Variants in KAZN observed in about 807,000 individuals in gnomAD.
The protein encoded by KAZN is kazrin, periplakin interacting protein, also known as kazrin.
KAZN carries 40 observed loss-of-function variants against 87.4 expected under a neutral mutation model. The observed-to-expected ratio is 0.46, with a 90% CI of 0.36 to 0.60. The LOEUF is 0.60. KAZN is among the 20% of genes least tolerant of loss of function. KAZN has a pLI of 0.00. For missense variants in KAZN, 898 were observed against 1,073.9 expected (o/e 0.84, Z 2.29); for synonymous variants, 466 against 458.3 (o/e 1.02, Z -0.22).
intron 1 of KAZN, among the ~76,000 whole-genome samples, chr1:14,159,853 C>A (rs1645673067): frequency 6.6e-6 from 1 of 152,180 alleles, no homozygotes; most frequent in African/African-American, 2.4e-5. Context: ...CTTTTCAGAG[C>A]AGCAGGTTCC....
chr1:14,681,874 G>GTT (rs1056323922), intron 1 of KAZN, among the ~76,000 whole-genome samples: 13 of 150,512 alleles, frequency 8.6e-5, no homozygotes, highest in African/African-American at 3.2e-4. Flanking sequence ...TGTATTTTTA[G>GTT]TAGAGACAGG....
At chr1:14,972,661 C>T (rs1474690201) in intron 2 of KAZN, among the ~76,000 whole-genome samples, 2 of 151,992 alleles carry the variant, frequency 1.3e-5, no homozygotes, top group East Asian at 1.9e-4. Flanking sequence ...ATTACAGGCA[C>T]CTGCCACCAC....
At chr1:14,542,409 C>T (rs1438592866) in intron 2 of KAZN, among the ~76,000 whole-genome samples, 1 of 151,290 alleles carries the variant, frequency 6.6e-6, no homozygotes, top group African/African-American at 2.4e-5. Flanking sequence ...CAAACCTGCA[C>T]GTTGAGCACA....
intron 2 of KAZN, among the ~76,000 whole-genome samples, chr1:14,579,783 CA>C (rs1178174413): frequency 6.6e-6 from 1 of 152,064 alleles, no homozygotes; most frequent in Non-Finnish European, 1.5e-5. Flanking sequence ...AAGCAGCATC[CA>C]GGGGGACTCA....
At chr1:14,177,464 C>A (rs758136682) in intron 1 of KAZN, among the ~76,000 whole-genome samples, 3 of 152,142 alleles carry the variant, frequency 2.0e-5, no homozygotes, top group African/African-American at 4.8e-5. Flanking sequence ...GTGATGAGTT[C>A]TCTCAGCTTT....
At chr1:14,123,311 A>T (rs1644791591) in intron 1 of KAZN, among the ~76,000 whole-genome samples, 1 of 152,186 alleles carries the variant, frequency 6.6e-6, no homozygotes, top group African/African-American at 2.4e-5. Context: ...ATTTTAACCA[A>T]GTCAAGCAAT....
rs1256494300 is a variant in KAZN, at chr1:14,599,157, G to T, written c.160G>T (p.Ala54Ser). The T allele has an allele frequency of 7.2e-7, 1 of 1,392,202 alleles. No homozygotes were observed. The highest frequency in any genetic ancestry group is 9.3e-7 in the Non-Finnish European group (1 of 1,077,002). 86.2% of individuals were successfully genotyped at this position (1,392,202 alleles called of 1,614,324 possible). A position where few individuals can be genotyped will look rare whatever the true frequency, so the allele number is the denominator to read the frequency against. The change falls in exon 1 of 15, where the codon GCC becomes TCC. Residue 54 changes from alanine (A) to serine (S), a missense_variant. Around this residue, in one of 3 missense-constraint regions of KAZN, gnomAD observed 250 missense variants for 263.0 expected, o/e 0.95. Transcript: ENST00000376030. The surrounding 1 kb of genome is among the most constrained non-coding windows in gnomAD (Gnocchi z 4.4). ...CCCCGGCCCGGGCCCGGGAGCCGCG[G>T]CCAGCGCCTCGGCGGCGGGGGACTC... ...GGPGPGPGAA[A>S]SASAAGDSAA...
At chr1:14,746,472 C>A (rs1224849454) in intron 1 of KAZN, among the ~76,000 whole-genome samples, 1 of 152,082 alleles carries the variant, frequency 6.6e-6, no homozygotes, top group Non-Finnish European at 1.5e-5. Flanking sequence ...CACCGAGAAA[C>A]AGACAACATG....
intron 1 of KAZN, among the ~76,000 whole-genome samples, chr1:13,907,916 G>T (rs1639507695): frequency 6.6e-6 from 1 of 152,170 alleles, no homozygotes; most frequent in Non-Finnish European, 1.5e-5. Flanking sequence ...AAGAGAATGT[G>T]CTTGTCCTAA....
intron 2 of KAZN, among the ~76,000 whole-genome samples, chr1:14,527,092 T>A (rs940407170): frequency 2.0e-5 from 3 of 152,228 alleles, no homozygotes; most frequent in African/African-American, 7.2e-5. Flanking sequence ...TGTATTATCA[T>A]GTCTCATAGT....
chr1:14,822,674 C>T (rs951781969), intron 1 of KAZN, among the ~76,000 whole-genome samples: 6 of 152,188 alleles, frequency 3.9e-5, no homozygotes, highest in Non-Finnish European at 7.4e-5. Context: ...CACATCACAG[C>T]GGGTCCTGAC....
At chr1:14,110,782 A>G (rs1451690237) in intron 1 of KAZN, among the ~76,000 whole-genome samples, 1 of 133,830 alleles carries the variant, frequency 7.5e-6, no homozygotes, top group Non-Finnish European at 1.6e-5. Context: ...TAGTACAGGG[A>G]AAAAAAAGAC....
intron 1 of KAZN, among the ~76,000 whole-genome samples, chr1:14,158,855 T>G (rs1557523715): frequency 6.6e-6 from 1 of 152,336 alleles, no homozygotes; most frequent in East Asian, 1.9e-4. Flanking sequence ...TCTTATGGAC[T>G]CATAGAGGTA....
At chr1:14,555,059 C>T (rs1571923606) in intron 2 of KAZN, among the ~76,000 whole-genome samples, 1 of 152,200 alleles carries the variant, frequency 6.6e-6, no homozygotes, top group Admixed American at 6.5e-5. Flanking sequence ...AAATACCTCT[C>T]CAAGAGTTCT....
chr1:14,774,134 C>A (rs1476928812), intron 1 of KAZN, among the ~76,000 whole-genome samples: 1 of 152,210 alleles, frequency 6.6e-6, no homozygotes, highest in Non-Finnish European at 1.5e-5. Flanking sequence ...GCCTCGACTT[C>A]TCTTTCTCTT....
intron 1 of KAZN, among the ~76,000 whole-genome samples, chr1:14,810,572 AC>A (rs1646375747): frequency 6.6e-6 from 1 of 151,836 alleles, no homozygotes. Context: ...GATGGACATG[AC>A]CCCCTCCCAC....
chr1:14,012,713 G>A (rs146798057), intron 1 of KAZN, among the ~76,000 whole-genome samples: 241 of 152,298 alleles, frequency 1.6e-3, no homozygotes, highest in African/African-American at 5.6e-3. Flanking sequence ...GCTGAGGCAC[G>A]AGAATCACTT....
intron 1 of KAZN, among the ~76,000 whole-genome samples, chr1:14,679,920 CT>C (rs1640469660): frequency 6.6e-6 from 1 of 152,060 alleles, no homozygotes. Flanking sequence ...GGAGGCACCA[CT>C]TGTGTCAAGG....
intron 1 of KAZN, among the ~76,000 whole-genome samples, chr1:14,675,535 G>C (rs943591803): frequency 6.6e-6 from 1 of 152,072 alleles, no homozygotes; most frequent in Admixed American, 6.5e-5. Flanking sequence ...AGTCAAGGAG[G>C]GCAGGAGGCT....
Sources: gnomAD v4.1 joint callset for allele counts (sites outside exome capture counted in the v4.1 genomes callset) on GRCh38, gnomAD v4.1.1 for gene constraint, gnomAD v4.1.1 regional missense constraint, Gnocchi (gnomAD v3.1) non-coding constraint, MANE v1.5 for transcripts, NCBI Gene and HGNC (gene_info 2026-07-23, HGNC 2026-07-21) for gene names.